The following RASGRF2 variants were observed in gnomAD, a reference collection of about 807,000 sequenced individuals.
The protein encoded by RASGRF2 is Ras protein specific guanine nucleotide releasing factor 2.
RASGRF2 carries 76 observed loss-of-function variants against 151.0 expected under a neutral mutation model. The observed-to-expected ratio is 0.50, with a 90% CI of 0.42 to 0.61. RASGRF2 has a LOEUF of 0.61. Among genes scored for constraint, RASGRF2 ranks in the 20% least tolerant of loss-of-function variants. The pLI, the probability that RASGRF2 is intolerant of heterozygous loss-of-function variation, is 0.00. For missense variants in RASGRF2, 1,148 were observed against 1,564.6 expected (o/e 0.73, Z 4.49); for synonymous variants, 504 against 566.5 (o/e 0.89, Z 1.57).
intron 26 of RASGRF2, among the ~76,000 whole-genome samples, chr5:81,221,350 A>C (rs1384564146): frequency 6.6e-6 from 1 of 152,158 alleles, no homozygotes; most frequent in Non-Finnish European, 1.5e-5. Flanking sequence ...TTCTCCATTT[A>C]TTAATTTATT....
Position 80,975,890 on chromosome 5 carries a change from A to C in RASGRF2, c.288+14864A>C, listed in dbSNP as rs1248128673. Among the ~76,000 whole-genome samples the C allele has an allele frequency of 4.3e-5, 6 of 139,876 alleles. 1 individual carries two copies. Among genetic ancestry groups the C allele is most frequent in the Non-Finnish European group, 7.6e-5 (5 of 65,778 alleles). 91.8% of individuals were successfully genotyped at this position (139,876 alleles called of 152,430 possible). A position where few individuals can be genotyped will look rare whatever the true frequency, so the allele number is the denominator to read the frequency against. On this transcript the variant is annotated intron_variant, in intron 1 of 26. Coordinates refer to ENST00000265080, the MANE Select transcript of RASGRF2 (RefSeq NM_006909.3). ...TTTTTTGAGACGGAGTTTTGTTCTC[A>C]TTGCCCAGGCTGGAGTGCAATGGCA...
At chr5:80,966,083 T>TTGTGTGTGTG (rs70994407) in intron 1 of RASGRF2, among the ~76,000 whole-genome samples, 3 of 149,638 alleles carry the variant, frequency 2.0e-5, no homozygotes, top group African/African-American at 7.4e-5. Flanking sequence ...GGATATATGT[T>TTGTGTGTGTG]TGTGTGTGTG....
chr5:81,140,866 G>T (rs1392148196), intron 17 of RASGRF2, among the ~76,000 whole-genome samples: 1 of 152,122 alleles, frequency 6.6e-6, no homozygotes, highest in Non-Finnish European at 1.5e-5. Context: ...TCAGGGCCAG[G>T]CAAGTAACCT....
intron 1 of RASGRF2, among the ~76,000 whole-genome samples, chr5:81,027,064 A>C (rs1300204872): frequency 6.6e-6 from 1 of 152,138 alleles, no homozygotes; most frequent in East Asian, 1.9e-4. Flanking sequence ...CATAAAATTC[A>C]CCATTTTAAA....
At position 81,207,473 on chromosome 5, in the gene RASGRF2, T is replaced by C. The variant is rs1181706621; in HGVS notation, c.3071+124T>C. The C allele has an allele frequency of 1.0e-5, 8 of 786,746 alleles. No individual in the cohort carries two copies. In the African/African-American group the frequency reaches 1.4e-4, roughly 14 times the overall value. The allele number at this position is 786,746 out of a possible 1,614,324, so 48.7% of individuals were successfully genotyped here. A position where few individuals can be genotyped will look rare whatever the true frequency, so the allele number is the denominator to read the frequency against. Reference sequence around the variant, plus strand: ...AGTTCCTGTGTGAGTATCTACCAGTTGTTTCCATCCATGGAACTGGCACGC... The same window carrying C: ...AGTTCCTGTGTGAGTATCTACCAGTCGTTTCCATCCATGGAACTGGCACGC... On this transcript the variant is annotated intron_variant, in intron 21 of 26. Transcript: ENST00000265080.
chr5:81,174,579 T>C (rs1474883688), intron 17 of RASGRF2, among the ~76,000 whole-genome samples: 1 of 152,224 alleles, frequency 6.6e-6, no homozygotes, highest in Non-Finnish European at 1.5e-5. Context: ...TCAGCATGTT[T>C]CATAGCAAAG....
chr5:81,019,245 G>C (rs769627457), intron 1 of RASGRF2, among the ~76,000 whole-genome samples: 4 of 151,842 alleles, frequency 2.6e-5, no homozygotes, highest in African/African-American at 7.3e-5. Context: ...GAGTAGGAAG[G>C]CTGGACCGCA....
At chr5:80,975,694 G>A (rs982985320) in intron 1 of RASGRF2, among the ~76,000 whole-genome samples, 2 of 152,120 alleles carry the variant, frequency 1.3e-5, no homozygotes, top group African/African-American at 4.8e-5. Flanking sequence ...AATGAGTGGT[G>A]AGGTATATAT....
At chr5:81,084,604 G>C (rs992561171) in intron 7 of RASGRF2, among the ~76,000 whole-genome samples, 6 of 152,172 alleles carry the variant, frequency 3.9e-5, no homozygotes, top group Admixed American at 2.6e-4. Context: ...TGGTGGCTGT[G>C]TCTATGCATA....
intron 1 of RASGRF2, among the ~76,000 whole-genome samples, chr5:80,986,351 T>C (rs890622592): frequency 1.3e-5 from 2 of 152,228 alleles, no homozygotes. Flanking sequence ...CACTGCCCCA[T>C]ACACAGCTCT....
At chr5:81,099,910 T>TTC (rs2112516106) in intron 12 of RASGRF2, among the ~76,000 whole-genome samples, 1 of 118,032 alleles carries the variant, frequency 8.5e-6, no homozygotes, top group African/African-American at 3.4e-5. Context: ...CTTTTTTCTT[T>TTC]TTTTTTTTTT....
intron 17 of RASGRF2, among the ~76,000 whole-genome samples, chr5:81,151,151 A>G (rs560664354): frequency 4.1e-4 from 62 of 152,240 alleles, no homozygotes; most frequent in Admixed American, 9.2e-4. Flanking sequence ...GTCACAAGAT[A>G]TCTGACTGCG....
chr5:81,169,681 G>A (rs1301155257), intron 17 of RASGRF2, among the ~76,000 whole-genome samples: 3 of 152,172 alleles, frequency 2.0e-5, no homozygotes, highest in Non-Finnish European at 2.9e-5. Context: ...ATGTGGATTT[G>A]GGGAGAATAC....
Position 80,960,791 on chromosome 5 carries a change from T to C in RASGRF2, c.53T>C (p.Leu18Pro). The stretch of plus-strand genomic sequence containing the variant: ...GGGCACGCCCTGTACCTGGCCTTTC[T>C]GGCGCGCAAGGAGGGCACCAAGCGC... ...NEGHALYLAF[L>P]ARKEGTKRGF... Residue 18 changes from leucine to proline, a missense_variant, in exon 1 of 27, where the codon CTG (leucine) becomes CCG (proline). Leu to Pro is a moderately conservative substitution (Grantham distance 98, BLOSUM62 -3). Transcript: ENST00000265080. The surrounding 1 kb of genome is among the most constrained non-coding windows in gnomAD (Gnocchi z 5.5). 1.2e-6 allele frequency: 2 copies of C among 1,612,946 alleles called. No homozygotes were observed. The highest frequency in any genetic ancestry group is 1.7e-6 in the Non-Finnish European group (2 of 1,179,462).
At chr5:80,995,953 A>G (rs1168304706) in intron 1 of RASGRF2, among the ~76,000 whole-genome samples, 1 of 152,038 alleles carries the variant, frequency 6.6e-6, no homozygotes, top group African/African-American at 2.4e-5. Flanking sequence ...CTGGCCTTGC[A>G]AAGTGCTGGG....
chr5:81,211,034 C>T (rs1466811173), intron 22 of RASGRF2, among the ~76,000 whole-genome samples: 1 of 151,388 alleles, frequency 6.6e-6, no homozygotes, highest in African/African-American at 2.4e-5. Flanking sequence ...GTCCCAGCTA[C>T]TTGGGAGGCT....
Position 81,040,001 on chromosome 5 carries a change from T to G in RASGRF2, c.289-2876T>G, listed in dbSNP as rs576346538. 4.0e-4 allele frequency among the ~76,000 whole-genome samples: 61 copies of G among 152,266 alleles called. 1 individual carries two copies. The highest frequency in any genetic ancestry group is 1.4e-3 in the African/African-American group (60 of 41,548). ...TTAATTTTTTTTACATTAACTTTTT[T>G]GTTTGTTTGTTTTGAGACAGGGTCT... On this transcript the variant is annotated intron_variant, in intron 1 of 26. Coordinates refer to ENST00000265080, the MANE Select transcript of RASGRF2 (RefSeq NM_006909.3).
chr5:81,122,772 G>A (rs1209081794), intron 15 of RASGRF2, among the ~76,000 whole-genome samples: 11 of 152,188 alleles, frequency 7.2e-5, no homozygotes. Flanking sequence ...ACACAAAGTT[G>A]TAGTCTTACC....
At chr5:81,040,988 T>C (rs1750659779) in intron 1 of RASGRF2, among the ~76,000 whole-genome samples, 2 of 152,138 alleles carry the variant, frequency 1.3e-5, no homozygotes, top group South Asian at 4.1e-4. Flanking sequence ...AGATAGCCCA[T>C]GTGTTCAATT....
Sources: allele counts gnomAD v4.1 joint callset (sites outside exome capture counted in the v4.1 genomes callset), GRCh38; gene constraint gnomAD v4.1.1; non-coding constraint Gnocchi (gnomAD v3.1); transcripts MANE v1.5; gene names NCBI Gene and HGNC (gene_info 2026-07-23, HGNC 2026-07-21).